ZMIZ1: variants seen among roughly 807,000 people sequenced by gnomAD.
ZMIZ1 encodes zinc finger MIZ domain-containing protein 1.
Under a neutral mutation model 113.9 loss-of-function variants are expected in ZMIZ1, and 17 were observed. The observed-to-expected ratio is 0.15, with a 90% confidence interval of 0.10 to 0.22. The LOEUF (loss-of-function observed/expected upper bound fraction) is 0.22, where lower values mean the gene tolerates loss of function less well. Ranked by LOEUF, ZMIZ1 falls within the 10% of genes least tolerant of loss-of-function variation. The pLI, the probability that ZMIZ1 is intolerant of heterozygous loss-of-function variation, is 1.00. For missense variants in ZMIZ1, 1,059 were observed against 1,477.8 expected, an observed-to-expected ratio of 0.72 and a Z score of 4.65; for synonymous variants, 607 against 603.1, an observed-to-expected ratio of 1.01 and a Z score of -0.09.
chr10:79,227,546 TATA>T (rs1207090182), intron 7 of ZMIZ1, among the ~76,000 whole-genome samples: 2 of 152,188 alleles, frequency 1.3e-5, no homozygotes, highest in Non-Finnish European at 2.9e-5. Context: ...AAAAGGGGAT[TATA>T]ATAATGCCTA....
intron 7 of ZMIZ1, among the ~76,000 whole-genome samples, chr10:79,251,046 T>C (rs753145698): frequency 7.9e-5 from 12 of 152,118 alleles, no homozygotes; most frequent in Non-Finnish European, 1.5e-4. Context: ...TGGGGACTTG[T>C]GGCCATTGTA....
chr10:79,288,634 C>G (rs935260297), intron 8 of ZMIZ1, among the ~76,000 whole-genome samples: 3 of 152,164 alleles, frequency 2.0e-5, no homozygotes, highest in African/African-American at 2.4e-5. Context: ...AATTTTGTGA[C>G]TTGGTGAGGG....
At chr10:79,093,167 C>T (rs2012818) in intron 1 of ZMIZ1, among the ~76,000 whole-genome samples, 18 of 129,808 alleles carry the variant, frequency 1.4e-4, no homozygotes, top group Non-Finnish European at 2.6e-4. Context: ...CACACACACA[C>T]ACACACACAT....
intron 4 of ZMIZ1, among the ~76,000 whole-genome samples, chr10:79,175,583 C>CGTGTGTGTGT (rs757004699): frequency 5.3e-4 from 67 of 125,376 alleles, no homozygotes; most frequent in African/African-American, 1.5e-3. Flanking sequence ...GTGCACTCTG[C>CGTGTGTGTGT]GTGTGTGTGT....
At chr10:79,078,034 A>G (rs1340481712) in intron 1 of ZMIZ1, among the ~76,000 whole-genome samples, 1 of 152,184 alleles carries the variant, frequency 6.6e-6, no homozygotes, top group Non-Finnish European at 1.5e-5. Flanking sequence ...GTGTAGCACA[A>G]AGGGCTGGCC....
chr10:79,076,341 T>TGA (rs1213288820), intron 1 of ZMIZ1, among the ~76,000 whole-genome samples: 1 of 152,144 alleles, frequency 6.6e-6, no homozygotes, highest in Non-Finnish European at 1.5e-5. Context: ...TCGGGTCTGA[T>TGA]GAGAGGCCCA....
At chr10:79,146,579 G>A (rs1009946467) in intron 3 of ZMIZ1, among the ~76,000 whole-genome samples, 11 of 152,352 alleles carry the variant, frequency 7.2e-5, no homozygotes, top group Admixed American at 4.6e-4. Context: ...TGGCCCCAAC[G>A]TTGGGCTTTG....
intron 7 of ZMIZ1, among the ~76,000 whole-genome samples, chr10:79,223,346 G>A (rs2132744548): frequency 6.6e-6 from 1 of 152,334 alleles, no homozygotes; most frequent in Non-Finnish European, 1.5e-5. Context: ...AATGCCAGCC[G>A]CCTGGCAGGC....
chr10:79,202,402 G>A (rs970692582), intron 5 of ZMIZ1, among the ~76,000 whole-genome samples: 1 of 151,784 alleles, frequency 6.6e-6, no homozygotes, highest in African/African-American at 2.4e-5. Context: ...CCAAGAATTT[G>A]AAACCAGCCT....
At chr10:79,109,749 G>A in intron 1 of ZMIZ1, among the ~76,000 whole-genome samples, 1 of 152,252 alleles carries the variant, frequency 6.6e-6, no homozygotes, top group Non-Finnish European at 1.5e-5. Context: ...CCAGCATGTG[G>A]CCCTAGACAG....
chr10:79,245,157 C>T (rs1850117270), intron 7 of ZMIZ1, among the ~76,000 whole-genome samples: 1 of 152,254 alleles, frequency 6.6e-6, no homozygotes, highest in South Asian at 2.1e-4. Context: ...CACCTCGCTA[C>T]ATAAGGCTGC....
At chr10:79,253,469 G>A (rs968494577) in intron 7 of ZMIZ1, among the ~76,000 whole-genome samples, 3 of 152,084 alleles carry the variant, frequency 2.0e-5, no homozygotes, top group East Asian at 1.9e-4. Context: ...CCTCCCTGCC[G>A]TGCCGTCTTG....
chr10:79,172,033 G>C (rs1215201888), intron 4 of ZMIZ1, among the ~76,000 whole-genome samples: 1 of 152,176 alleles, frequency 6.6e-6, no homozygotes, highest in East Asian at 1.9e-4. Context: ...ATACACTCAA[G>C]TATCCACAGA....
intron 4 of ZMIZ1, among the ~76,000 whole-genome samples, chr10:79,189,880 T>C (rs1317325033): frequency 1.3e-5 from 2 of 152,222 alleles, no homozygotes; most frequent in East Asian, 3.9e-4. Context: ...GAGGGCCCTC[T>C]GCTCTTGGGC....
intron 2 of ZMIZ1, among the ~76,000 whole-genome samples, chr10:79,133,879 A>G (rs1036588390): frequency 6.6e-6 from 1 of 152,224 alleles, no homozygotes; most frequent in Non-Finnish European, 1.5e-5. Flanking sequence ...GCATAATTGT[A>G]CTACCGAATC....
chr10:79,230,902 AAAG>A (rs1270347740), intron 7 of ZMIZ1, among the ~76,000 whole-genome samples: 3 of 152,236 alleles, frequency 2.0e-5, no homozygotes, highest in Non-Finnish European at 4.4e-5. Flanking sequence ...CAGCCCCTCT[AAAG>A]AAGGAGGGCA....
At chr10:79,086,302 C>G (rs981389157) in intron 1 of ZMIZ1, among the ~76,000 whole-genome samples, 1 of 152,196 alleles carries the variant, frequency 6.6e-6, no homozygotes, top group Non-Finnish European at 1.5e-5. Context: ...TGGACTCCCT[C>G]AGCCCTCAGC....
intron 23 of ZMIZ1, among the ~76,000 whole-genome samples, chr10:79,310,215 G>A (rs1381474126): frequency 6.6e-6 from 1 of 152,158 alleles, no homozygotes; most frequent in Non-Finnish European, 1.5e-5. Flanking sequence ...TGTTTTTGAG[G>A]GCTGGTGCCG....
chr10:79,237,896 G>C (rs557079246), intron 7 of ZMIZ1, among the ~76,000 whole-genome samples: 3 of 152,210 alleles, frequency 2.0e-5, no homozygotes, highest in Non-Finnish European at 4.4e-5. Context: ...CTAACAGCTC[G>C]TCAGGGCCAC....
Sources: gnomAD v4.1 joint callset for allele counts (sites outside exome capture counted in the v4.1 genomes callset) on GRCh38, gnomAD v4.1.1 for gene constraint, MANE v1.5 for transcripts, NCBI Gene and HGNC (gene_info 2026-07-23, HGNC 2026-07-21) for gene names.